The following SYNDIG1 variants were observed in gnomAD, a reference collection of about 807,000 sequenced individuals.
SYNDIG1 encodes the protein synapse differentiation-inducing gene protein 1.
Under a neutral mutation model 19.4 loss-of-function variants are expected in SYNDIG1, and 9 were observed. That is an observed-to-expected ratio of 0.46 (90% confidence interval 0.28 to 0.81). The LOEUF is 0.81. SYNDIG1 is among the 30% of genes least tolerant of loss of function. The pLI, the probability that SYNDIG1 is intolerant of heterozygous loss-of-function variation, is 0.12. For missense variants in SYNDIG1, 311 were observed against 343.3 expected (o/e 0.91, Z 0.74); for synonymous variants, 141 against 145.9 (o/e 0.97, Z 0.24).
intron 3 of SYNDIG1, among the ~76,000 whole-genome samples, chr20:24,662,802 A>G (rs2059615712): frequency 6.6e-6 from 1 of 152,268 alleles, no homozygotes; most frequent in African/African-American, 2.4e-5. Flanking sequence ...AAAGACAGGG[A>G]AGGAAAACCA....
intron 3 of SYNDIG1, among the ~76,000 whole-genome samples, chr20:24,638,987 G>A (rs138737053): frequency 6.6e-6 from 1 of 152,192 alleles, no homozygotes; most frequent in Non-Finnish European, 1.5e-5. Flanking sequence ...GGGCCTCCCT[G>A]CCAGCGTGGT....
intron 2 of SYNDIG1, among the ~76,000 whole-genome samples, chr20:24,575,002 C>T (rs929716360): frequency 1.3e-5 from 2 of 152,168 alleles, no homozygotes; most frequent in African/African-American, 4.8e-5. Context: ...TGCTTGTCTC[C>T]CTGGAGCACG....
Position 24,595,804 on chromosome 20 carries a change from GTT to G in SYNDIG1, c.618+10817_618+10818del, listed in dbSNP as rs535893758. Among the ~76,000 whole-genome samples the G allele has an allele frequency of 7.9e-5, 12 of 152,172 alleles. No homozygotes were observed. In the South Asian group the frequency reaches 2.3e-3, roughly 29 times the overall value. On this transcript the variant is annotated intron_variant, in intron 3 of 3. Coordinates refer to ENST00000376862, the MANE Select transcript of SYNDIG1 (RefSeq NM_024893.3). The stretch of plus-strand genomic sequence containing the variant: ...GAAGAGTTCGTGGTACTCTCTGAGA[GTT>G]TTTTTAATTTATGATTGTGTTTATT...
intron 3 of SYNDIG1, among the ~76,000 whole-genome samples, chr20:24,630,689 G>A (rs2059226748): frequency 6.6e-6 from 1 of 152,208 alleles, no homozygotes; most frequent in South Asian, 2.1e-4. Flanking sequence ...TGGGTCCTGG[G>A]AGCCTCATGC....
chr20:24,625,947 G>A (rs1311276223), intron 3 of SYNDIG1, among the ~76,000 whole-genome samples: 1 of 152,092 alleles, frequency 6.6e-6, no homozygotes, highest in Non-Finnish European at 1.5e-5. Flanking sequence ...TGGCCGGGCA[G>A]AGGCGCCCCT....
At chr20:24,518,543 G>A (rs1479694153) in intron 1 of SYNDIG1, among the ~76,000 whole-genome samples, 1 of 152,138 alleles carries the variant, frequency 6.6e-6, no homozygotes, top group Non-Finnish European at 1.5e-5. Context: ...TTGTCTGGGG[G>A]TTCAGCTAAT....
intron 3 of SYNDIG1, among the ~76,000 whole-genome samples, chr20:24,607,737 CCTT>C (rs760769468): frequency 3.9e-5 from 6 of 152,236 alleles, no homozygotes; most frequent in Non-Finnish European, 7.3e-5. Flanking sequence ...AGTTGGAGAA[CCTT>C]CTATCAATTA....
At chr20:24,574,840 G>A (rs970379368) in intron 2 of SYNDIG1, among the ~76,000 whole-genome samples, 2 of 152,102 alleles carry the variant, frequency 1.3e-5, no homozygotes, top group African/African-American at 4.8e-5. Flanking sequence ...CATTTCATTC[G>A]GCTCCTGCTT....
At chr20:24,561,884 G>C (rs1013388176) in intron 2 of SYNDIG1, among the ~76,000 whole-genome samples, 5 of 152,190 alleles carry the variant, frequency 3.3e-5, no homozygotes, top group Non-Finnish European at 7.3e-5. Context: ...TCAATAATAT[G>C]ATATCTATTT....
chr20:24,623,853 A>G (rs8126133), intron 3 of SYNDIG1, among the ~76,000 whole-genome samples: 25,301 of 152,206 alleles, frequency 0.17, 2,620 homozygotes, highest in East Asian at 0.46. Context: ...AAGAGGGGGA[A>G]AAAACCAGAA....
chr20:24,617,287 T>A (rs2058951484), intron 3 of SYNDIG1, among the ~76,000 whole-genome samples: 1 of 151,530 alleles, frequency 6.6e-6, no homozygotes, highest in African/African-American at 2.4e-5. Context: ...CTCCCTCACC[T>A]CCTAAACTCG....
intron 1 of SYNDIG1, among the ~76,000 whole-genome samples, chr20:24,503,613 A>G (rs554204533): frequency 2.4e-5 from 3 of 126,426 alleles, no homozygotes; most frequent in Non-Finnish European, 3.3e-5. Flanking sequence ...CCAGCGCTCC[A>G]GTCCCTCTGA....
At chr20:24,661,302 G>A (rs1251285636) in intron 3 of SYNDIG1, among the ~76,000 whole-genome samples, 1 of 144,858 alleles carries the variant, frequency 6.9e-6, no homozygotes, top group Admixed American at 6.9e-5. Flanking sequence ...AAAGAAGGAG[G>A]GAGGGAGGAA....
In SYNDIG1 at chr20:24,658,225, A is replaced by G. The variant is rs1214072870; in HGVS notation, c.619-7121A>G. Among the ~76,000 whole-genome samples the G allele has an allele frequency of 6.6e-6, 1 of 152,186 alleles. No individual in the cohort carries two copies. The highest frequency in any genetic ancestry group is 1.5e-5 in the Non-Finnish European group (1 of 68,028). On this transcript the variant is annotated intron_variant, in intron 3 of 3. Transcript: ENST00000376862. The surrounding 1 kb of genome is among the most constrained non-coding windows in gnomAD (Gnocchi z 4.4). ...TCATTGGAAACTCCATGAAGAGCGA[A>G]GAGAAATGGCAGCCTGTGGGTCCTG...
At chr20:24,528,619 A>G (rs1193307044) in intron 1 of SYNDIG1, among the ~76,000 whole-genome samples, 1 of 152,154 alleles carries the variant, frequency 6.6e-6, no homozygotes, top group African/African-American at 2.4e-5. Flanking sequence ...CTCCCCCTCA[A>G]GCCCTTTTGT....
intron 2 of SYNDIG1, among the ~76,000 whole-genome samples, chr20:24,552,612 A>T (rs2146806059): frequency 6.6e-6 from 1 of 152,110 alleles, no homozygotes; most frequent in East Asian, 1.9e-4. Context: ...TTCCAATTTC[A>T]TCCATGTCCC....
intron 2 of SYNDIG1, among the ~76,000 whole-genome samples, chr20:24,575,673 G>A (rs1045878256): frequency 6.6e-6 from 1 of 151,836 alleles, no homozygotes; most frequent in Non-Finnish European, 1.5e-5. Flanking sequence ...CACCTAACTG[G>A]ATTATTTTCT....
At chr20:24,647,188 T>C (rs886599862) in intron 3 of SYNDIG1, among the ~76,000 whole-genome samples, 1 of 152,118 alleles carries the variant, frequency 6.6e-6, no homozygotes, top group African/African-American at 2.4e-5. Context: ...AGTAAAGAAG[T>C]CAATATAGAT....
chr20:24,605,766 G>A (rs1213711686), intron 3 of SYNDIG1, among the ~76,000 whole-genome samples: 2 of 152,146 alleles, frequency 1.3e-5, no homozygotes, highest in Non-Finnish European at 2.9e-5. Flanking sequence ...TTTGTCTGTA[G>A]CAGAGAAAAC....
Sources: allele counts gnomAD v4.1 joint callset (sites outside exome capture counted in the v4.1 genomes callset), GRCh38; gene constraint gnomAD v4.1.1; non-coding constraint Gnocchi (gnomAD v3.1); transcripts MANE v1.5; gene names NCBI Gene and HGNC (gene_info 2026-07-23, HGNC 2026-07-21).